Variants in POLR3E observed in about 807,000 individuals in gnomAD.
POLR3E encodes RNA polymerase III subunit E, also known as DNA-directed RNA polymerase III subunit RPC5.
A neutral mutation model predicts 96.6 loss-of-function variants in POLR3E; 41 were observed. The ratio of observed to expected loss-of-function variants is 0.42; its 90% CI spans 0.33 to 0.55. POLR3E has a LOEUF of 0.55. Ranked by LOEUF, POLR3E falls within the 20% of genes least tolerant of loss-of-function variation. The pLI is 0.06. For synonymous variants in POLR3E, 396 were observed against 383.6 expected (o/e 1.03, Z -0.38); for missense variants, 849 against 952.1 (o/e 0.89, Z 1.43).
chr16:22,315,344 G>A, intron 9 of POLR3E, 136 bp downstream of exon 9: 1 of 953,536 alleles, frequency 1.0e-6, no homozygotes, highest in South Asian at 1.7e-5. Flanking sequence ...AGTCCTGTGG[G>A]CAGTTTACAC....
intron 2 of POLR3E, among the ~76,000 whole-genome samples, chr16:22,303,918 C>T (rs1445880881): frequency 6.8e-6 from 1 of 148,110 alleles, no homozygotes; most frequent in East Asian, 2.0e-4. Context: ...TCAAACGATT[C>T]TTGTGCCTCA....
At chr16:22,326,467 T>C in intron 18 of POLR3E, 189 bp downstream of exon 18, 1 of 635,538 alleles carries the variant, frequency 1.6e-6, no homozygotes, top group Non-Finnish European at 2.8e-6. Flanking sequence ...TGTTGGGTTT[T>C]ATGTCACAGG....
intron 5 of POLR3E, 102 bp downstream of exon 5, chr16:22,309,142 C>G (rs2048193123): frequency 1.3e-6 from 1 of 789,646 alleles, no homozygotes; most frequent in Non-Finnish European, 2.1e-6. Context: ...CACTGGGCTC[C>G]CCACCAGTGT....
Position 22,333,647 on chromosome 16 carries a change from T to G in POLR3E, c.2074T>G (p.Cys692Gly). Residue 692 changes from cysteine (C) to glycine (G), a missense_variant, in exon 21 of 21, where the codon TGC (cysteine) becomes GGC (glycine). Coordinates refer to ENST00000299853, the MANE Select transcript of POLR3E (RefSeq NM_018119.4). Reference protein sequence around the residue: ...KQEVDKVLKDCCVSYGGMWYL... With the variant: ...KQEVDKVLKDGCVSYGGMWYL... ...TTACCCTGTTTCTCTCTCATAGGAC[T>G]GCTGTGTAAGCTATGGTGGCATGTG... is the stretch of plus-strand genomic sequence containing the variant. The G allele has an allele frequency of 6.2e-7, 1 of 1,609,936 alleles. No individual in the cohort carries two copies. The highest frequency in any genetic ancestry group is 8.5e-7 in the Non-Finnish European group (1 of 1,176,142).
At chr16:22,309,337 A>G in intron 5 of POLR3E, 91 bp from the exon 6 acceptor site, 1 of 1,009,686 alleles carries the variant, frequency 9.9e-7, no homozygotes, top group East Asian at 2.4e-5. Flanking sequence ...GTGGCACTTC[A>G]GAAAGTGTCT....
rs2141832978 is a variant in POLR3E at position 22,334,203 on chromosome 16, T to C, written c.*503T>C. The stretch of plus-strand genomic sequence containing the variant: ...TTCATTAAACCAAATTGAATTATTC[T>C]ATTCTTGGGATTCTGTGGCCACTTC... On this transcript the variant is annotated 3_prime_UTR_variant, in exon 21 of 21. Coordinates refer to ENST00000299853, the MANE Select transcript of POLR3E (RefSeq NM_018119.4). 6.6e-6 allele frequency: 1 copy of C among 152,614 alleles called. No individual in the cohort carries two copies. Among genetic ancestry groups the C allele is most frequent in the Middle Eastern group, 3.4e-3 (1 of 294 alleles). 9.5% of individuals were successfully genotyped at this position (152,614 alleles called of 1,614,324 possible). A position where few individuals can be genotyped will look rare whatever the true frequency, so the allele number is the denominator to read the frequency against.
In POLR3E at chr16:22,318,559, G is replaced by C. The variant is rs1481939680; in HGVS notation, c.866-267G>C. 6.6e-6 allele frequency among the ~76,000 whole-genome samples: 1 copy of C among 152,158 alleles called. No individual in the cohort carries two copies. Among genetic ancestry groups the C allele is most frequent in the African/African-American group, 2.4e-5 (1 of 41,442 alleles). ...AGCTTTGAAGCCTTTCCAGGTCTGA[G>C]TAGTAATAGACCCTTCCTCCTGAGG... On this transcript the variant is annotated intron_variant, in intron 12 of 20. Coordinates refer to ENST00000299853, the MANE Select transcript of POLR3E (RefSeq NM_018119.4). The surrounding 1 kb of genome is among the most constrained non-coding windows in gnomAD (Gnocchi z 5.0).
At chr16:22,297,623 C>T (rs1167072485) in intron 1 of POLR3E, 86 bp downstream of exon 1, 14 of 152,548 alleles carry the variant, frequency 9.2e-5, no homozygotes, top group Admixed American at 9.2e-4. Context: ...CCCGAGTAGG[C>T]CAAGGAGGCC....
chr16:22,301,453 T>C (rs921509130), intron 1 of POLR3E, among the ~76,000 whole-genome samples: 1 of 152,146 alleles, frequency 6.6e-6, no homozygotes, highest in African/African-American at 2.4e-5. Context: ...GGATGGTGCA[T>C]GCCAATTATT....
At chr16:22,300,237 C>G (rs1357682381) in intron 1 of POLR3E, among the ~76,000 whole-genome samples, 1 of 152,112 alleles carries the variant, frequency 6.6e-6, no homozygotes, top group African/African-American at 2.4e-5. Context: ...TACGTGAAAC[C>G]TTGTTTCAGT....
At chr16:22,309,790 G>C (rs969844484) in intron 6 of POLR3E, 1 of 501,954 alleles carries the variant, frequency 2.0e-6, no homozygotes, top group African/African-American at 1.9e-5. Flanking sequence ...GCTAACATAA[G>C]TTTAGGGACA....
At chr16:22,302,702 T>A (rs2048051386) in intron 1 of POLR3E, 2 of 518,392 alleles carry the variant, frequency 3.9e-6, no homozygotes, top group Non-Finnish European at 6.9e-6. Context: ...CTTGTTGGCT[T>A]GGTCTACCCG....
Position 22,298,287 on chromosome 16 carries a change from G to A in POLR3E, c.-39+750G>A, listed in dbSNP as rs907388526. On this transcript the variant is annotated intron_variant, in intron 1 of 20. Coordinates refer to ENST00000299853, the MANE Select transcript of POLR3E (RefSeq NM_018119.4). ...ATAGAAATTCCTACCTCATAGGGTT[G>A]TGGTGACGGCTCAGTAGAAACCGGG... is the stretch of plus-strand genomic sequence containing the variant. Among the ~76,000 whole-genome samples, 7 of 152,338 alleles carry A rather than the reference G, an allele frequency of 4.6e-5. No individual in the cohort carries two copies. In the South Asian group the frequency reaches 1.4e-3, roughly 32 times the overall value.
At chr16:22,301,926 A>G (rs2048032506) in intron 1 of POLR3E, among the ~76,000 whole-genome samples, 1 of 147,520 alleles carries the variant, frequency 6.8e-6, no homozygotes, top group African/African-American at 2.5e-5. Flanking sequence ...CGTCTCAAGA[A>G]AAAAAAAAAA....
chr16:22,331,073 C>T (rs1448562569), intron 19 of POLR3E, among the ~76,000 whole-genome samples: 1 of 127,454 alleles, frequency 7.8e-6, no homozygotes, highest in Non-Finnish European at 1.6e-5. Flanking sequence ...GGCACGATCT[C>T]GGCTCACTGC....
chr16:22,327,369 G>C (rs967604304), intron 18 of POLR3E: 1 of 152,316 alleles, frequency 6.6e-6, no homozygotes, highest in Non-Finnish European at 1.5e-5. Context: ...ACATGGGTCT[G>C]GGTCTCCACA....
chr16:22,300,778 C>T (rs2048005120), intron 1 of POLR3E, among the ~76,000 whole-genome samples: 1 of 152,234 alleles, frequency 6.6e-6, no homozygotes, highest in South Asian at 2.1e-4. Context: ...TTTCTACCCG[C>T]TCCATGTCTT....
rs773545376 is a variant in POLR3E at position 22,315,233 on chromosome 16, G to A, written c.642+25G>A. ...GGTGAGCGGGGCTTCGTGGGGTCCT[G>A]GGGGAAACACCTCGGTGCCCGGAAG... On this transcript the variant is annotated intron_variant, in intron 9 of 20. Coordinates refer to ENST00000299853, the MANE Select transcript of POLR3E (RefSeq NM_018119.4). 6 of 1,564,190 alleles carry A rather than the reference G, an allele frequency of 3.8e-6. No individual in the cohort carries two copies. The Admixed American group carries it at 1.1e-4, about 30-fold the overall frequency.
chr16:22,328,839 A>G, intron 19 of POLR3E: 1 of 455,272 alleles, frequency 2.2e-6, no homozygotes, highest in Non-Finnish European at 4.1e-6. Context: ...CTTTTAAAAA[A>G]TACAGGCTGG....
Sources: gnomAD v4.1 joint callset for allele counts (sites outside exome capture counted in the v4.1 genomes callset) on GRCh38, gnomAD v4.1.1 for gene constraint, Gnocchi (gnomAD v3.1) non-coding constraint, MANE v1.5 for transcripts, NCBI Gene and HGNC (gene_info 2026-07-23, HGNC 2026-07-21) for gene names.